GSKIP: variants seen among roughly 807,000 people sequenced by gnomAD.
GSKIP encodes GSK3B interacting protein.
In GSKIP, 5 loss-of-function variants were observed where a neutral mutation model predicts 11.9. The observed-to-expected ratio is 0.42, with a 90% CI of 0.22 to 0.89. GSKIP has a LOEUF of 0.89. Among genes scored for constraint, GSKIP ranks in the 40% least tolerant of loss-of-function variants. The pLI is 0.29. For synonymous variants in GSKIP, 70 were observed against 62.9 expected (o/e 1.11, Z -0.54); for missense variants, 150 against 166.6 (o/e 0.90, Z 0.55).
chr14:96,372,853 A>G lies in GSKIP; in HGVS notation c.-102-6835A>G, dbSNP rs149393363. On this transcript the variant is annotated intron_variant, in intron 1 of 3. Coordinates refer to ENST00000555181, the MANE Select transcript of GSKIP (RefSeq NM_016472.5). ...CACAGAAAGCAAGGACTGTGAGGATATAGGAAGGGTCTCCCTCCAGCCTGT... is the reference window on the plus strand; with the variant it reads ...CACAGAAAGCAAGGACTGTGAGGATGTAGGAAGGGTCTCCCTCCAGCCTGT... Among the ~76,000 whole-genome samples the G allele has an allele frequency of 4.8e-3, 737 of 152,336 alleles. 11 individuals are homozygous for G. The highest frequency in any genetic ancestry group is 0.017 in the African/African-American group (700 of 41,580).
chr14:96,386,415 C>A lies in GSKIP; in HGVS notation c.*731C>A, dbSNP rs760390283. 1.3e-5 allele frequency: 2 copies of A among 152,548 alleles called. No individual in the cohort carries two copies. The highest frequency in any genetic ancestry group is 1.9e-4 in the East Asian group (1 of 5,204). The allele number at this position is 152,548 out of a possible 1,614,324, so 9.4% of individuals were successfully genotyped here. A position where few individuals can be genotyped will look rare whatever the true frequency, so the allele number is the denominator to read the frequency against. ...AGCAAATACAGGAACAGACTTCATT[C>A]TTTTTCTTAACAAAAAAGCATCTTC... On this transcript the variant is annotated 3_prime_UTR_variant, in exon 4 of 4. Transcript: ENST00000555181.
chr14:96,382,427 G>A lies in GSKIP; in HGVS notation c.180G>A (p.Ala60=), dbSNP rs774261627. The part of the protein sequence containing the change: ...NMFVSKSLRC[A]DDVAYINVET... Reference sequence around the variant, plus strand: ...TTGTCTCGAAAAGCCTGCGGTGTGCGGATGATGTGGCCTATATCAATGTGG... The same window carrying A: ...TTGTCTCGAAAAGCCTGCGGTGTGCAGATGATGTGGCCTATATCAATGTGG... Residue 60 remains alanine, a synonymous_variant, in exon 3 of 4, where the codon GCG becomes GCA. Coordinates refer to ENST00000555181, the MANE Select transcript of GSKIP (RefSeq NM_016472.5). 3.8e-5 allele frequency: 61 copies of A among 1,613,000 alleles called. No individual in the cohort carries two copies. Among genetic ancestry groups the A allele is most frequent in the African/African-American group, 1.9e-4 (14 of 74,866 alleles).
chr14:96,373,193 A>G (rs567762741), intron 1 of GSKIP, among the ~76,000 whole-genome samples: 6 of 141,720 alleles, frequency 4.2e-5, no homozygotes, highest in Admixed American at 3.1e-4. Context: ...TAGCACCACT[A>G]TACTCCAGCC....
chr14:96,367,515 C>T (rs1566741759), intron 1 of GSKIP, among the ~76,000 whole-genome samples: 1 of 152,180 alleles, frequency 6.6e-6, no homozygotes, highest in Non-Finnish European at 1.5e-5. Context: ...TGAAAATTTG[C>T]ACTCCATATG....
chr14:96,364,260 C>A (rs1566740669), intron 1 of GSKIP: 1 of 152,180 alleles, frequency 6.6e-6, no homozygotes, highest in African/African-American at 2.4e-5. Context: ...AGCCAGATGT[C>A]CTTCGTTAGA....
chr14:96,383,236 C>T (rs1236535280), intron 3 of GSKIP, among the ~76,000 whole-genome samples: 1 of 152,010 alleles, frequency 6.6e-6, no homozygotes, highest in Non-Finnish European at 1.5e-5. Context: ...ATAGCAAGAC[C>T]GTGTTTCTAC....
At chr14:96,366,197 T>C (rs1888878482) in intron 1 of GSKIP, among the ~76,000 whole-genome samples, 1 of 152,038 alleles carries the variant, frequency 6.6e-6, no homozygotes. Flanking sequence ...TGCAAGAAAT[T>C]AGAATAGGCT....
chr14:96,385,831 A>C lies in GSKIP; in HGVS notation c.*147A>C. 1.7e-6 allele frequency: 1 copy of C among 599,466 alleles called. No homozygotes were observed. The allele number at this position is 599,466 out of a possible 1,614,324, so 37.1% of individuals were successfully genotyped here. ...ACTTAGGCTTTTGGCTCAGAAGATT[A>C]TTGAATAATGATTTGTCTTAGTTTC... On this transcript the variant is annotated 3_prime_UTR_variant, in exon 4 of 4. Transcript: ENST00000555181.
At chr14:96,378,368 AAG>A (rs1183205773) in intron 1 of GSKIP, among the ~76,000 whole-genome samples, 7 of 152,170 alleles carry the variant, frequency 4.6e-5, no homozygotes, top group Non-Finnish European at 1.0e-4. Flanking sequence ...AGAGCAGAAA[AAG>A]AAGTCATTTG....
intron 1 of GSKIP, among the ~76,000 whole-genome samples, chr14:96,375,664 C>T (rs1889179914): frequency 6.6e-6 from 1 of 152,134 alleles, no homozygotes; most frequent in Non-Finnish European, 1.5e-5. Flanking sequence ...GAACTCCTGA[C>T]CTCGTGATCC....
intron 1 of GSKIP, chr14:96,363,956 C>G (rs1419935521): frequency 6.6e-6 from 1 of 152,362 alleles, no homozygotes; most frequent in African/African-American, 2.4e-5. Context: ...TCTTCGTTGC[C>G]GTTTGCCTGG....
At chr14:96,384,673 C>T (rs1190722775) in intron 3 of GSKIP, 4 of 150,962 alleles carry the variant, frequency 2.6e-5, no homozygotes, top group Non-Finnish European at 4.4e-5. Context: ...CTTTTCTTAT[C>T]AGTTTAATAT....
chr14:96,374,797 C>T (rs1392298613), intron 1 of GSKIP, among the ~76,000 whole-genome samples: 2 of 151,490 alleles, frequency 1.3e-5, no homozygotes, highest in Non-Finnish European at 2.9e-5. Flanking sequence ...GATTCATCAA[C>T]AGCAGACCTA....
chr14:96,383,494 T>A (rs890074005), intron 3 of GSKIP, among the ~76,000 whole-genome samples: 4 of 152,214 alleles, frequency 2.6e-5, no homozygotes, highest in Admixed American at 1.3e-4. Flanking sequence ...AATCAGTGAA[T>A]CTTCAGTCTT....
At chr14:96,366,664 C>T (rs1476418057) in intron 1 of GSKIP, among the ~76,000 whole-genome samples, 2 of 152,120 alleles carry the variant, frequency 1.3e-5, no homozygotes, top group Non-Finnish European at 2.9e-5. Context: ...AGGCCAAGGC[C>T]GGAAGGATCA....
At chr14:96,371,028 C>T (rs1315628341) in intron 1 of GSKIP, among the ~76,000 whole-genome samples, 1 of 152,148 alleles carries the variant, frequency 6.6e-6, no homozygotes, top group Admixed American at 6.5e-5. Flanking sequence ...TGTGATACTA[C>T]ACATGATTCT....
chr14:96,366,158 G>A (rs1431436451), intron 1 of GSKIP, among the ~76,000 whole-genome samples: 1 of 152,052 alleles, frequency 6.6e-6, no homozygotes, highest in African/African-American at 2.4e-5. Context: ...ATACAAACAA[G>A]GTGGTATGAA....
rs373201723 is a variant in GSKIP at position 96,378,852 on chromosome 14, T to C, written c.-102-836T>C. On this transcript the variant is annotated intron_variant, in intron 1 of 3. Coordinates refer to ENST00000555181, the MANE Select transcript of GSKIP (RefSeq NM_016472.5). ...ATAGGAATTTGTTGGCTCCGATAACTGAAAAGTGCAAATCCTGGGAAACCA... is the reference window on the plus strand; with the variant it reads ...ATAGGAATTTGTTGGCTCCGATAACCGAAAAGTGCAAATCCTGGGAAACCA... 20 of 152,364 alleles carry C rather than the reference T, an allele frequency of 1.3e-4. No individual in the cohort carries two copies. The East Asian group carries it at 3.5e-3, about 26-fold the overall frequency. 9.4% of individuals were successfully genotyped at this position (152,364 alleles called of 1,614,324 possible). A position where few individuals can be genotyped will look rare whatever the true frequency, so the allele number is the denominator to read the frequency against.
rs1017204753 is a variant in GSKIP, at chr14:96,377,029, A to G, written c.-102-2659A>G. 8.5e-5 allele frequency among the ~76,000 whole-genome samples: 13 copies of G among 152,304 alleles called. No individual in the cohort carries two copies. The East Asian group carries it at 2.5e-3, about 29-fold the overall frequency. ...ATAAAGTTTGATTCAGTGCCTTTAC[A>G]TCTGCTGAGATTTTTCAACCTTAGT... On this transcript the variant is annotated intron_variant, in intron 1 of 3. Transcript: ENST00000555181.
Sources: allele counts gnomAD v4.1 joint callset (sites outside exome capture counted in the v4.1 genomes callset), GRCh38; gene constraint gnomAD v4.1.1; transcripts MANE v1.5; gene names NCBI Gene and HGNC (gene_info 2026-07-23, HGNC 2026-07-21).